The following SLC9A9 variants were observed in gnomAD, a reference collection of about 807,000 sequenced individuals.
The protein encoded by SLC9A9 is sodium/hydrogen exchanger 9.
In SLC9A9, 62 loss-of-function variants were observed where a neutral mutation model predicts 77.8. That is an observed-to-expected ratio of 0.80 (90% CI 0.65 to 0.98). The LOEUF is 0.98. Among genes scored for constraint, SLC9A9 ranks in the 50% least tolerant of loss-of-function variants. The pLI is 0.00. For missense variants in SLC9A9, 775 were observed against 774.9 expected (o/e 1.00, Z 0.00); for synonymous variants, 320 against 283.5 (o/e 1.13, Z -1.29).
At chr3:143,795,281 G>GAAAA (rs776525691) in intron 3 of SLC9A9, among the ~76,000 whole-genome samples, 1,444 of 71,944 alleles carry the variant, frequency 0.02, 56 homozygotes, top group African/African-American at 0.066. Context: ...TCAAGAAGCA[G>GAAAA]AAAAAAAAAA....
intron 12 of SLC9A9, among the ~76,000 whole-genome samples, chr3:143,464,646 C>T (rs544180044): frequency 3.9e-5 from 6 of 152,224 alleles, no homozygotes; most frequent in Admixed American, 3.9e-4. Flanking sequence ...GAAGTCTAAA[C>T]CAGCGATTCT....
intron 9 of SLC9A9, among the ~76,000 whole-genome samples, chr3:143,502,674 C>A (rs1280662741): frequency 1.3e-5 from 2 of 152,132 alleles, no homozygotes; most frequent in African/African-American, 4.8e-5. Context: ...CTCGACACAG[C>A]TTTTATGAGG....
chr3:143,316,375 G>A (rs955864834), intron 14 of SLC9A9, among the ~76,000 whole-genome samples: 2 of 152,164 alleles, frequency 1.3e-5, no homozygotes, highest in Non-Finnish European at 2.9e-5. Flanking sequence ...AAAGTAAACA[G>A]GCAGCTTCGA....
intron 5 of SLC9A9, among the ~76,000 whole-genome samples, chr3:143,659,809 C>T (rs534241989): frequency 6.1e-4 from 93 of 152,218 alleles, no homozygotes; most frequent in African/African-American, 1.8e-3. Flanking sequence ...CCACCCAAAT[C>T]TCATCTTGAA....
chr3:143,710,876 G>T (rs1934124797), intron 4 of SLC9A9, among the ~76,000 whole-genome samples: 1 of 152,164 alleles, frequency 6.6e-6, no homozygotes. Context: ...AAAGCCCACT[G>T]CTTGTTGCAA....
At chr3:143,713,081 T>C (rs9289667) in intron 4 of SLC9A9, among the ~76,000 whole-genome samples, 53,013 of 151,854 alleles carry the variant, frequency 0.35, 9,782 homozygotes, top group East Asian at 0.64. Context: ...GCTCAACAGG[T>C]TTAATCCTTC....
rs368245851 is a variant in SLC9A9 at position 143,328,091 on chromosome 3, TTAAA to T, written c.1604+35389_1604+35392del. ...CTATAAATCAGAATCTGAGTTTTCT[TTAAA>T]TAAACAATTACATATGATACTATAG... On this transcript the variant is annotated intron_variant, in intron 14 of 15. Coordinates refer to ENST00000316549, the MANE Select transcript of SLC9A9 (RefSeq NM_173653.4). Among the ~76,000 whole-genome samples, 515 of 152,360 alleles carry T rather than the reference TTAAA, an allele frequency of 3.4e-3. 3 individuals are homozygous for T. The highest frequency in any genetic ancestry group is 0.011 in the African/African-American group (467 of 41,576).
At chr3:143,712,524 T>G (rs1454373549) in intron 4 of SLC9A9, among the ~76,000 whole-genome samples, 1 of 152,228 alleles carries the variant, frequency 6.6e-6, no homozygotes, top group African/African-American at 2.4e-5. Flanking sequence ...CAATCCAGTG[T>G]AGAAGGCCAT....
chr3:143,528,970 A>G (rs1464723980), intron 9 of SLC9A9, among the ~76,000 whole-genome samples: 1 of 152,248 alleles, frequency 6.6e-6, no homozygotes, highest in Non-Finnish European at 1.5e-5. Context: ...CATCAAGAGC[A>G]TTAACTCTAA....
rs1040593197 is a variant in SLC9A9, at chr3:143,734,380, G to A, written c.534-41073C>T. ...GTGTGTGTCTGTGTGTTTATAAAAT[G>A]TATAGAAAAAAAAGAAATACATAAA... is the stretch of plus-strand genomic sequence containing the variant. On this transcript the variant is annotated intron_variant, in intron 4 of 15. Transcript: ENST00000316549. Among the ~76,000 whole-genome samples the A allele has an allele frequency of 1.3e-4, 20 of 152,050 alleles. 1 individual carries two copies. In the South Asian group the frequency reaches 3.7e-3, roughly 28 times the overall value.
At chr3:143,787,574 T>G (rs1025059969) in intron 4 of SLC9A9, among the ~76,000 whole-genome samples, 2 of 152,176 alleles carry the variant, frequency 1.3e-5, no homozygotes, top group Non-Finnish European at 2.9e-5. Flanking sequence ...CAGGACTTGA[T>G]TTGTTTATTT....
chr3:143,624,348 T>C (rs994625309), intron 6 of SLC9A9, among the ~76,000 whole-genome samples: 1 of 152,086 alleles, frequency 6.6e-6, no homozygotes, highest in Non-Finnish European at 1.5e-5. Flanking sequence ...CCGATGAATA[T>C]CAGTGCAAAA....
At chr3:143,606,609 A>G (rs187979689) in intron 6 of SLC9A9, among the ~76,000 whole-genome samples, 41 of 151,272 alleles carry the variant, frequency 2.7e-4, no homozygotes, top group Admixed American at 1.8e-3. Flanking sequence ...TAAATTAAAT[A>G]TAAAATACAA....
chr3:143,555,987 A>G (rs1400326168), intron 8 of SLC9A9, among the ~76,000 whole-genome samples: 1 of 152,256 alleles, frequency 6.6e-6, no homozygotes, highest in Non-Finnish European at 1.5e-5. Flanking sequence ...AATAAATTAA[A>G]TCACACAAAT....
intron 14 of SLC9A9, among the ~76,000 whole-genome samples, chr3:143,282,445 A>G (rs1938249712): frequency 1.3e-5 from 2 of 152,210 alleles, no homozygotes; most frequent in African/African-American, 4.8e-5. Context: ...TTTATGCTTG[A>G]AGCCTGTTGC....
intron 4 of SLC9A9, chr3:143,698,126 C>T (rs1484512920): frequency 1.3e-5 from 2 of 153,258 alleles, no homozygotes; most frequent in Non-Finnish European, 2.9e-5. Flanking sequence ...GGCACGATGA[C>T]TCAGGACAGG....
chr3:143,365,091 C>T (rs1348444266), intron 13 of SLC9A9, among the ~76,000 whole-genome samples: 2 of 152,172 alleles, frequency 1.3e-5, no homozygotes, highest in African/African-American at 4.8e-5. Flanking sequence ...GAATAATATG[C>T]ACTCATAAAA....
intron 12 of SLC9A9, among the ~76,000 whole-genome samples, chr3:143,432,474 A>T (rs1369661078): frequency 2.0e-5 from 3 of 152,188 alleles, no homozygotes; most frequent in Non-Finnish European, 4.4e-5. Context: ...TCTCATTACA[A>T]TCACATTCCT....
chr3:143,578,610 G>C lies in SLC9A9; in HGVS notation c.869C>G (p.Ser290Cys). ...CAGTGCTGTGATGATGGCATACGCA[G>C]ACCCCATTGCAAATGAGCCAGCGAA... Reference protein sequence around the residue: ...GIFAGSFAMGSAYAIITALLT... With the variant: ...GIFAGSFAMGCAYAIITALLT... Residue 290 changes from serine to cysteine, a missense_variant, in exon 7 of 16, where the codon TCT becomes TGT. Transcript: ENST00000316549. The C allele has an allele frequency of 6.2e-7, 1 of 1,614,050 alleles. No homozygotes were observed.
Sources: allele counts gnomAD v4.1 joint callset (sites outside exome capture counted in the v4.1 genomes callset), GRCh38; gene constraint gnomAD v4.1.1; transcripts MANE v1.5; gene names NCBI Gene and HGNC (gene_info 2026-07-23, HGNC 2026-07-21).